GRK3: variants seen among roughly 807,000 people sequenced by gnomAD.
GRK3 encodes adrenergic, beta, receptor kinase 2.
Under a neutral mutation model 95.7 loss-of-function variants are expected in GRK3, and 54 were observed. That is an observed-to-expected ratio of 0.56 (90% CI 0.45 to 0.71). GRK3 has a LOEUF of 0.71. Ranked by LOEUF, GRK3 falls within the 30% of genes least tolerant of loss-of-function variation. The pLI is 0.00. For synonymous variants in GRK3, 281 were observed against 290.8 expected, an observed-to-expected ratio of 0.97 and a Z score of 0.34; for missense variants, 649 against 851.2, an observed-to-expected ratio of 0.76 and a Z score of 2.96.
intron 3 of GRK3, chr22:25,647,433 C>T (rs1157682244): frequency 3.7e-5 from 48 of 1,311,536 alleles, no homozygotes; most frequent in Non-Finnish European, 5.0e-5. Context: ...TCTTTCCATT[C>T]CATTATACCA....
chr22:25,645,853 G>A (rs907629614), intron 3 of GRK3, among the ~76,000 whole-genome samples: 1 of 151,884 alleles, frequency 6.6e-6, no homozygotes, highest in South Asian at 2.1e-4. Context: ...CCCGGGAGGT[G>A]GAACTTGCAG....
At chr22:25,648,676 A>T in intron 3 of GRK3, 1 of 1,036,240 alleles carries the variant, frequency 9.7e-7, no homozygotes, top group Non-Finnish European at 1.5e-6. Context: ...AGCTTATTCA[A>T]TTTCCTTAAG....
At chr22:25,699,699 C>CTT (rs532664312) in intron 13 of GRK3, among the ~76,000 whole-genome samples, 29 of 129,238 alleles carry the variant, frequency 2.2e-4, no homozygotes, top group African/African-American at 3.2e-4. Context: ...CTTTTCTTTT[C>CTT]TTTTTTTTTT....
At chr22:25,616,659 G>A (rs549135559) in intron 2 of GRK3, among the ~76,000 whole-genome samples, 1 of 152,196 alleles carries the variant, frequency 6.6e-6, no homozygotes, top group Non-Finnish European at 1.5e-5. Flanking sequence ...TGGGGTTGCC[G>A]TGGAAGTAGA....
At chr22:25,576,582 A>G (rs1931907309) in intron 1 of GRK3, among the ~76,000 whole-genome samples, 1 of 152,234 alleles carries the variant, frequency 6.6e-6, no homozygotes. Context: ...AATACTCATC[A>G]TCTTATTTTA....
intron 2 of GRK3, among the ~76,000 whole-genome samples, chr22:25,629,176 G>A (rs762713087): frequency 5.9e-5 from 9 of 152,114 alleles, no homozygotes; most frequent in South Asian, 2.1e-4. Context: ...CTCGGGGAGC[G>A]GACTTCCAAG....
At chr22:25,710,081 C>T in intron 16 of GRK3, 117 bp downstream of exon 16, 1 of 761,746 alleles carries the variant, frequency 1.3e-6, no homozygotes, top group African/African-American at 1.7e-5. Context: ...GGCTGTGTCT[C>T]CCCAGCATCC....
At chr22:25,690,125 A>T in intron 11 of GRK3, 64 bp from the exon 12 acceptor site, 1 of 1,242,088 alleles carries the variant, frequency 8.1e-7, no homozygotes, top group South Asian at 1.3e-5. Context: ...TCTGCACTCA[A>T]AGTTCTCAAA....
At chr22:25,690,731 A>G (rs1304673361) in intron 12 of GRK3, among the ~76,000 whole-genome samples, 1 of 151,820 alleles carries the variant, frequency 6.6e-6, no homozygotes, top group Non-Finnish European at 1.5e-5. Flanking sequence ...GTCTTCATCT[A>G]CTTTTCCTTC....
Position 25,640,808 on chromosome 22 carries a change from G to A in GRK3, c.191-3784G>A, listed in dbSNP as rs559850061. Among the ~76,000 whole-genome samples, 3 of 152,328 alleles carry A rather than the reference G, an allele frequency of 2.0e-5. No individual in the cohort carries two copies. The South Asian group carries it at 6.2e-4, about 32-fold the overall frequency. On this transcript the variant is annotated intron_variant, in intron 2 of 20. Coordinates refer to ENST00000324198, the MANE Select transcript of GRK3 (RefSeq NM_005160.4). The stretch of plus-strand genomic sequence containing the variant: ...GTTAATCAATATTCAGCATTTTGCA[G>A]TGGTTCAAATATAGCAACAAAGTAA...
At chr22:25,618,192 C>T (rs948517942) in intron 2 of GRK3, among the ~76,000 whole-genome samples, 1 of 152,240 alleles carries the variant, frequency 6.6e-6, no homozygotes, top group Non-Finnish European at 1.5e-5. Context: ...CTGCCACAGG[C>T]ATTTCTGCAC....
At chr22:25,590,892 T>C (rs1397182433) in intron 1 of GRK3, among the ~76,000 whole-genome samples, 2 of 152,222 alleles carry the variant, frequency 1.3e-5, no homozygotes, top group African/African-American at 2.4e-5. Context: ...GTGCACAGTT[T>C]GGTGAGTTTA....
intron 2 of GRK3, among the ~76,000 whole-genome samples, chr22:25,633,738 GTTGA>G (rs1185001158): frequency 6.6e-6 from 1 of 151,948 alleles, no homozygotes; most frequent in East Asian, 1.9e-4. Context: ...TGGCAAAATG[GTTGA>G]TTGTGTATTT....
At chr22:25,654,094 A>G (rs1304173867) in intron 3 of GRK3, among the ~76,000 whole-genome samples, 2 of 152,250 alleles carry the variant, frequency 1.3e-5, no homozygotes, top group African/African-American at 4.8e-5. Flanking sequence ...ATGTTCTCTG[A>G]CAATAGAATT....
intron 3 of GRK3, among the ~76,000 whole-genome samples, chr22:25,653,413 A>G (rs1046866439): frequency 6.6e-6 from 1 of 152,244 alleles, no homozygotes; most frequent in Non-Finnish European, 1.5e-5. Flanking sequence ...CTGCTTTTAA[A>G]TAAAGATATG....
At chr22:25,717,367 G>A (rs2085395185) in intron 18 of GRK3, among the ~76,000 whole-genome samples, 2 of 152,112 alleles carry the variant, frequency 1.3e-5, no homozygotes, top group Non-Finnish European at 2.9e-5. Context: ...CATCACCACT[G>A]ACCCTCCCTG....
At chr22:25,647,543 C>T in intron 3 of GRK3, 1 of 1,555,556 alleles carries the variant, frequency 6.4e-7, no homozygotes, top group Non-Finnish European at 8.9e-7. Flanking sequence ...CGTGGTGTTA[C>T]TATATTTGTG....
At chr22:25,680,966 A>G (rs1170651356) in intron 9 of GRK3, among the ~76,000 whole-genome samples, 1 of 147,612 alleles carries the variant, frequency 6.8e-6, no homozygotes, top group Non-Finnish European at 1.5e-5. Context: ...TTTTTTTTTA[A>G]TCTCAACTTG....
chr22:25,570,604 C>T (rs769617508), intron 1 of GRK3, among the ~76,000 whole-genome samples: 1 of 152,192 alleles, frequency 6.6e-6, no homozygotes, highest in Non-Finnish European at 1.5e-5. Context: ...TCTTCTTATT[C>T]TCTGGACATT....
Sources: allele counts gnomAD v4.1 joint callset (sites outside exome capture counted in the v4.1 genomes callset), GRCh38; gene constraint gnomAD v4.1.1; transcripts MANE v1.5; gene names NCBI Gene and HGNC (gene_info 2026-07-23, HGNC 2026-07-21).